Variants in BCL6 observed in about 807,000 individuals in gnomAD.
BCL6 encodes the protein BCL6 transcription repressor, also known as B-cell lymphoma 6 protein.
Under a neutral mutation model 59.5 loss-of-function variants are expected in BCL6, and 7 were observed. The observed-to-expected ratio is 0.12, with a 90% CI of 0.07 to 0.22. The LOEUF (loss-of-function observed/expected upper bound fraction) is 0.22, where lower values mean the gene tolerates loss of function less well. BCL6 is among the 10% of genes least tolerant of loss of function. BCL6 has a pLI of 1.00. For synonymous variants in BCL6, 339 were observed against 349.7 expected (o/e 0.97, Z 0.34); for missense variants, 685 against 939.4 (o/e 0.73, Z 3.54).
At chr3:187,741,514 A>G (rs560785011) in intron 1 of BCL6, among the ~76,000 whole-genome samples, 3 of 142,428 alleles carry the variant, frequency 2.1e-5, no homozygotes, top group African/African-American at 7.5e-5. Flanking sequence ...GGAGTCGGGT[A>G]TGGTCTTTTG....
Position 187,722,349 on chromosome 3 carries a change from G to T in BCL6, c.*109C>A. 6.7e-6 allele frequency: 4 copies of T among 593,932 alleles called. No individual in the cohort carries two copies. Among genetic ancestry groups the T allele is most frequent in the Non-Finnish European group, 8.9e-6 (4 of 451,188 alleles). 36.8% of individuals were successfully genotyped at this position (593,932 alleles called of 1,614,324 possible). ...CAACCCCCAGCTATGATTTGCACTA[G>T]TGGATGAAAGAGGCACTACATCATG... On this transcript the variant is annotated 3_prime_UTR_variant, in exon 10 of 10. Transcript: ENST00000406870.
At chr3:187,744,075 T>A (rs1400235917) in intron 1 of BCL6, among the ~76,000 whole-genome samples, 2 of 152,020 alleles carry the variant, frequency 1.3e-5, no homozygotes, top group Non-Finnish European at 2.9e-5. Context: ...AAGCCTGGCG[T>A]CCACTACGCT....
At chr3:187,737,752 C>CTTTTTTTTT (rs60679881) in intron 1 of BCL6, 52 of 83,364 alleles carry the variant, frequency 6.2e-4, no homozygotes, top group South Asian at 1.1e-3. Flanking sequence ...GTGTGTATGC[C>CTTTTTTTTT]TTTTTTTTTT....
intron 4 of BCL6, among the ~76,000 whole-genome samples, 197 bp from the exon 5 acceptor site, chr3:187,730,218 G>A (rs976076545): frequency 1.3e-5 from 2 of 152,214 alleles, no homozygotes; most frequent in African/African-American, 2.4e-5. Flanking sequence ...TGGGAAGACT[G>A]AGTCCCAGAG....
At chr3:187,737,129 T>C (rs1719316296) in intron 1 of BCL6, 1 of 152,220 alleles carries the variant, frequency 6.6e-6, no homozygotes, top group Non-Finnish European at 1.5e-5. Context: ...GGACTTCCCA[T>C]CCCAATCTCC....
chr3:187,736,636 C>A (rs1364846478), intron 1 of BCL6: 1 of 152,230 alleles, frequency 6.6e-6, no homozygotes, highest in Non-Finnish European at 1.5e-5. Flanking sequence ...GTCAGCTGGG[C>A]CTTGGGCTTT....
chr3:187,734,546 A>G (rs1349124692), intron 2 of BCL6: 5 of 152,212 alleles, frequency 3.3e-5, no homozygotes, highest in African/African-American at 1.2e-4. Flanking sequence ...TTATTTCATC[A>G]TCTCAGTCAC....
chr3:187,745,012 C>T (rs1576886121), intron 1 of BCL6, among the ~76,000 whole-genome samples: 1 of 152,046 alleles, frequency 6.6e-6, no homozygotes, highest in East Asian at 1.9e-4. Flanking sequence ...GCTCCGGCCG[C>T]CCCCTAATTC....
intron 1 of BCL6, chr3:187,736,724 A>C (rs1485231744): frequency 6.6e-6 from 1 of 151,032 alleles, no homozygotes; most frequent in African/African-American, 2.5e-5. Context: ...ACTCCTTTGC[A>C]AGCCAACTCG....
At chr3:187,744,828 G>T in intron 1 of BCL6, among the ~76,000 whole-genome samples, 1 of 152,204 alleles carries the variant, frequency 6.6e-6, no homozygotes, top group Non-Finnish European at 1.5e-5. Context: ...AAAGCAGTTT[G>T]CAAGCGAGAA....
At chr3:187,732,223 C>T in intron 3 of BCL6, 1 of 426,956 alleles carries the variant, frequency 2.3e-6, no homozygotes, top group Non-Finnish European at 4.4e-6. Context: ...AGTCACAGGG[C>T]CTGTTTTCCT....
At chr3:187,744,311 C>T (rs1342230426) in intron 1 of BCL6, among the ~76,000 whole-genome samples, 1 of 152,218 alleles carries the variant, frequency 6.6e-6, no homozygotes, top group Admixed American at 6.5e-5. Context: ...AGGTGCAGTG[C>T]GCACCCCTTT....
At chr3:187,736,190 C>T (rs1719272587) in intron 1 of BCL6, 1 of 152,122 alleles carries the variant, frequency 6.6e-6, no homozygotes, top group African/African-American at 2.4e-5. Flanking sequence ...CCCATCGGCT[C>T]CAAGGTTAGT....
intron 1 of BCL6, chr3:187,737,199 C>G (rs1279356554): frequency 1.3e-5 from 2 of 152,028 alleles, no homozygotes; most frequent in African/African-American, 4.8e-5. Context: ...TCTTCCCTTC[C>G]TCCCTTTAGC....
intron 1 of BCL6, 150 bp downstream of exon 1, chr3:187,745,260 T>G (rs1576886699): frequency 7.5e-6 from 3 of 397,626 alleles, no homozygotes; most frequent in Admixed American, 4.4e-5. Context: ...ATAGAAAACT[T>G]GGAGCCAAAG....
At chr3:187,743,113 G>A (rs1301142443) in intron 1 of BCL6, among the ~76,000 whole-genome samples, 2 of 151,832 alleles carry the variant, frequency 1.3e-5, no homozygotes, top group East Asian at 3.9e-4. Flanking sequence ...CGGTGGCATC[G>A]CTCAGAGCCA....
chr3:187,744,982 A>G (rs1576886069), intron 1 of BCL6, among the ~76,000 whole-genome samples: 4 of 151,658 alleles, frequency 2.6e-5, no homozygotes, highest in East Asian at 2.0e-4. Flanking sequence ...TCACCCCCCA[A>G]GCACTGTCTC....
At position 187,721,654 on chromosome 3, in the gene BCL6, T is replaced by C. The variant is rs1718419653; in HGVS notation, c.*804A>G. ...CGTGAGGACACGTTGTACGGGTATA[T>C]ACAAACTGAAAACTAGAACAAAATT... On this transcript the variant is annotated 3_prime_UTR_variant, in exon 10 of 10. Transcript: ENST00000406870. This position sits in a 1 kb window ranked among gnomAD's most constrained non-coding sequence, Gnocchi z 4.2. 1 of 232,876 alleles carries C rather than the reference T, an allele frequency of 4.3e-6. No individual in the cohort carries two copies. Among genetic ancestry groups the C allele is most frequent in the South Asian group, 1.8e-4 (1 of 5,530 alleles). The allele number at this position is 232,876 out of a possible 1,614,324, so 14.4% of individuals were successfully genotyped here. A position where few individuals can be genotyped will look rare whatever the true frequency, so the allele number is the denominator to read the frequency against.
At position 187,724,905 on chromosome 3, in the gene BCL6, C is replaced by T. The variant is rs202094292; in HGVS notation, c.1977+36G>A. 172 of 1,576,964 alleles carry T rather than the reference C, an allele frequency of 1.1e-4. 3 individuals carry two copies. Among genetic ancestry groups the T allele is most frequent in the South Asian group, 8.7e-4 (78 of 89,476 alleles). Reference sequence around the variant, plus strand: ...CCTCCTTCCCTGCCCTCCACATCCCCGCAGGTCAGAGAGCGGCCTCAAGAG... The same window carrying T: ...CCTCCTTCCCTGCCCTCCACATCCCTGCAGGTCAGAGAGCGGCCTCAAGAG... On this transcript the variant is annotated intron_variant, in intron 9 of 9. Coordinates refer to ENST00000406870, the MANE Select transcript of BCL6 (RefSeq NM_001706.5).
Sources: gnomAD v4.1 joint callset for allele counts (sites outside exome capture counted in the v4.1 genomes callset) on GRCh38, gnomAD v4.1.1 for gene constraint, Gnocchi (gnomAD v3.1) non-coding constraint, MANE v1.5 for transcripts, NCBI Gene and HGNC (gene_info 2026-07-23, HGNC 2026-07-21) for gene names.